The following TCF12 variants were observed in gnomAD, a reference collection of about 807,000 sequenced individuals.
The protein encoded by TCF12 is DNA-binding protein HTF4.
Under a neutral mutation model 86.0 loss-of-function variants are expected in TCF12, and 45 were observed. The observed-to-expected ratio is 0.52, with a 90% confidence interval of 0.41 to 0.67. The LOEUF is 0.67. TCF12 is among the 30% of genes least tolerant of loss of function. The probability of loss-of-function intolerance (pLI) is 0.00; values close to 1 mark genes in which losing one functional copy is unlikely to be tolerated. For missense variants in TCF12, 881 were observed against 859.9 expected, an observed-to-expected ratio of 1.02 and a Z score of -0.31; for synonymous variants, 330 against 299.6, an observed-to-expected ratio of 1.10 and a Z score of -1.05.
chr15:57,115,780 T>C (rs1441760908), intron 5 of TCF12, among the ~76,000 whole-genome samples: 2 of 152,134 alleles, frequency 1.3e-5, no homozygotes, highest in African/African-American at 4.8e-5. Context: ...GTACCATGGA[T>C]GACAATTTAC....
rs1344612312 is a variant in TCF12 at position 57,278,771 on chromosome 15, A to ACCTCTCTCTCCCTC, written c.1979-3663_1979-3650dup. On this transcript the variant is annotated intron_variant, in intron 19 of 20. Transcript: ENST00000333725. The stretch of plus-strand genomic sequence containing the variant: ...TCCCTCTCTCTCCCTCTCTCTCCCT[A>ACCTCTCTCTCCCTC]CCTCTCTCTCCCTCCCTCTCTCTCT... 5 of 63,212 alleles carry ACCTCTCTCTCCCTC rather than the reference A, an allele frequency of 7.9e-5. 1 individual carries two copies. Among genetic ancestry groups the ACCTCTCTCTCCCTC allele is most frequent in the Non-Finnish European group, 1.2e-4 (4 of 32,824 alleles). The allele number at this position is 63,212 out of a possible 1,614,324, so 3.9% of individuals were successfully genotyped here.
At chr15:57,127,958 T>TA (rs2051797337) in intron 5 of TCF12, among the ~76,000 whole-genome samples, 1 of 152,192 alleles carries the variant, frequency 6.6e-6, no homozygotes, top group Non-Finnish European at 1.5e-5. Context: ...TTTATGAGCT[T>TA]ACCAAATTCA....
At chr15:57,050,977 C>G (rs1457468743) in intron 3 of TCF12, among the ~76,000 whole-genome samples, 1 of 152,192 alleles carries the variant, frequency 6.6e-6, no homozygotes, top group African/African-American at 2.4e-5. Context: ...ATTCCACCAT[C>G]TTTGTCATCC....
chr15:56,919,805 G>A, intron 1 of TCF12, 87 bp from the exon 2 acceptor site: 1 of 1,226,038 alleles, frequency 8.2e-7, no homozygotes. Flanking sequence ...CAGCGCTCTT[G>A]CGTAATCTTC....
intron 3 of TCF12, among the ~76,000 whole-genome samples, chr15:56,931,609 T>C (rs1228611144): frequency 2.0e-5 from 3 of 152,206 alleles, no homozygotes; most frequent in Non-Finnish European, 2.9e-5. Context: ...AACTTTATTC[T>C]TTCCTTTTAT....
chr15:57,172,464 T>C (rs1204241901), intron 6 of TCF12, among the ~76,000 whole-genome samples: 1 of 152,188 alleles, frequency 6.6e-6, no homozygotes, highest in Non-Finnish European at 1.5e-5. Flanking sequence ...CACATTACAC[T>C]AACAGGCTGG....
chr15:57,116,851 A>C (rs1328458224), intron 5 of TCF12, among the ~76,000 whole-genome samples: 1 of 152,202 alleles, frequency 6.6e-6, no homozygotes, highest in Middle Eastern at 3.4e-3. Context: ...GGTTAATTGC[A>C]GTAGGGTAGC....
At chr15:57,226,712 C>T (rs1018214684) in intron 8 of TCF12, among the ~76,000 whole-genome samples, 1 of 152,026 alleles carries the variant, frequency 6.6e-6, no homozygotes, top group Non-Finnish European at 1.5e-5. Context: ...TTTTCTTAGG[C>T]CTTGAAGCAC....
intron 5 of TCF12, among the ~76,000 whole-genome samples, chr15:57,096,287 A>G (rs1377016031): frequency 2.0e-5 from 3 of 152,136 alleles, no homozygotes; most frequent in South Asian, 2.1e-4. Flanking sequence ...TTTTTAGCCT[A>G]CGACACCCCA....
chr15:57,256,894 C>A (rs2060372180), intron 16 of TCF12, among the ~76,000 whole-genome samples: 1 of 152,150 alleles, frequency 6.6e-6, no homozygotes, highest in Admixed American at 6.5e-5. Context: ...TCCTAATGGG[C>A]AGCATCCTAA....
In TCF12 at chr15:56,995,231, C is replaced by CTTTTTTTTTTTT. The variant is rs557610511; in HGVS notation, c.149-68502_149-68491dup. ...AAGTCAGGTAATGTGATACCTGCAGCTTTTTTTTTTTTTTTTTTTTTTTTT... is the reference window on the plus strand; with the variant it reads ...AAGTCAGGTAATGTGATACCTGCAGCTTTTTTTTTTTTTTTTTTTTTTTTTTTTTTTTTTTTT... On this transcript the variant is annotated intron_variant, in intron 3 of 20. Transcript: ENST00000333725. Among the ~76,000 whole-genome samples the CTTTTTTTTTTTT allele has an allele frequency of 3.1e-3, 93 of 30,306 alleles. 18 individuals are homozygous for CTTTTTTTTTTTT. Among genetic ancestry groups the CTTTTTTTTTTTT allele is most frequent in the South Asian group, 0.011 (4 of 362 alleles). The allele number at this position is 30,306 out of a possible 152,430, so 19.9% of individuals were successfully genotyped here.
Position 57,232,338 on chromosome 15 carries a change from A to C in TCF12, c.733A>C (p.Ser245Arg). 1 of 1,614,068 alleles carries C rather than the reference A, an allele frequency of 6.2e-7. No homozygotes were observed. Among genetic ancestry groups the C allele is most frequent in the African/African-American group, 1.3e-5 (1 of 75,048 alleles). Residue 245 changes from serine (S) to arginine (R), a missense_variant, in exon 10 of 21, where the codon AGC (serine) becomes CGC (arginine). Physicochemically the swap from Ser to Arg is moderately radical, Grantham distance 110. Around this residue, in one of 3 missense-constraint regions of TCF12, gnomAD observed 766 missense variants for 718.9 expected, o/e 1.07. Coordinates refer to ENST00000333725, the MANE Select transcript of TCF12 (RefSeq NM_207037.2). ...SDLWSSSNGM[S>R]QPGFGGILGT... ...CCTTTGGAGTTCATCAAATGGGATG[A>C]GCCAGCCTGGTTTTGGTGGAATTCT...
At chr15:57,074,761 A>G (rs2069738907) in intron 4 of TCF12, among the ~76,000 whole-genome samples, 1 of 152,222 alleles carries the variant, frequency 6.6e-6, no homozygotes, top group Non-Finnish European at 1.5e-5. Flanking sequence ...ATGAATGTAA[A>G]TTTATACAAA....
intron 4 of TCF12, among the ~76,000 whole-genome samples, chr15:57,083,939 G>T (rs747912546): frequency 6.6e-6 from 1 of 151,810 alleles, no homozygotes; most frequent in Non-Finnish European, 1.5e-5. Flanking sequence ...CTATTTTTCC[G>T]GCCTGTTGTT....
chr15:57,169,280 A>G (rs2615247), intron 6 of TCF12, among the ~76,000 whole-genome samples: 2,020 of 152,294 alleles, frequency 0.013, 50 homozygotes, highest in African/African-American at 0.046. Context: ...TGAATCTTAC[A>G]TGTATTCTCA....
At chr15:56,944,953 C>T (rs1341962788) in intron 3 of TCF12, among the ~76,000 whole-genome samples, 3 of 152,246 alleles carry the variant, frequency 2.0e-5, no homozygotes, top group East Asian at 1.9e-4. Flanking sequence ...CTTAACAATA[C>T]TGAGTCTTGC....
intron 19 of TCF12, among the ~76,000 whole-genome samples, chr15:57,278,929 T>TCTTC (rs1438743761): frequency 1.7e-5 from 2 of 115,748 alleles, no homozygotes; most frequent in East Asian, 2.6e-4. Context: ...TTTCCTCCTG[T>TCTTC]CTTCCTTCCT....
chr15:57,040,684 A>C (rs2066838295), intron 3 of TCF12, among the ~76,000 whole-genome samples: 1 of 152,216 alleles, frequency 6.6e-6, no homozygotes, highest in Non-Finnish European at 1.5e-5. Context: ...AATATCGAGA[A>C]TATCTCATGA....
rs374839882 is a variant in TCF12, at chr15:57,102,198, G to A, written c.325+10307G>A. 2.6e-5 allele frequency among the ~76,000 whole-genome samples: 4 copies of A among 152,112 alleles called. 1 individual carries two copies. The East Asian group carries it at 5.8e-4, about 22-fold the overall frequency. On this transcript the variant is annotated intron_variant, in intron 5 of 20. Transcript: ENST00000333725. ...ATTTGGGGCTATAAAAATAACAGTT[G>A]GTGGCCTGGATTTGTTCCATAGGCT...
Sources: gnomAD v4.1 joint callset for allele counts (sites outside exome capture counted in the v4.1 genomes callset) on GRCh38, gnomAD v4.1.1 for gene constraint, gnomAD v4.1.1 regional missense constraint, MANE v1.5 for transcripts, NCBI Gene and HGNC (gene_info 2026-07-23, HGNC 2026-07-21) for gene names.